ITGA1: variants seen among roughly 807,000 people sequenced by gnomAD.
ITGA1 encodes integrin alpha-1.
ITGA1 carries 85 observed loss-of-function variants against 145.9 expected under a neutral mutation model. The observed-to-expected ratio is 0.58, with a 90% CI of 0.49 to 0.70. The LOEUF (loss-of-function observed/expected upper bound fraction) is 0.70, where lower values mean the gene tolerates loss of function less well. ITGA1 is among the 30% of genes least tolerant of loss of function. The pLI is 0.00. For synonymous variants in ITGA1, 520 were observed against 495.3 expected (o/e 1.05, Z -0.66); for missense variants, 1,351 against 1,418.7 (o/e 0.95, Z 0.77).
At chr5:52,905,572 A>G (rs1294343068) in intron 11 of ITGA1, 191 bp from the exon 12 acceptor site, 1 of 388,404 alleles carries the variant, frequency 2.6e-6, no homozygotes, top group Non-Finnish European at 4.5e-6. Context: ...AGGAGAAAGC[A>G]GTTGTGGTAG....
chr5:52,922,797 C>A lies in ITGA1; in HGVS notation c.2313C>A (p.Asp771Glu). 1 of 1,611,824 alleles carries A rather than the reference C, an allele frequency of 6.2e-7. No homozygotes were observed. The highest frequency in any genetic ancestry group is 1.1e-5 in the South Asian group (1 of 91,016). ...TCTAGGACAAGCATGACTTTCAGGA[C>A]TCTGTGAGAATAACGTTGGACTTTA... is the stretch of plus-strand genomic sequence containing the variant. ...FYMLDKHDFQ[D>E]SVRITLDFNL... Residue 771 changes from aspartate to glutamate, a missense_variant, in exon 18 of 29, where the codon GAC becomes GAA. By Grantham distance (45) the Asp-to-Glu change is conservative. Coordinates refer to ENST00000282588, the MANE Select transcript of ITGA1 (RefSeq NM_181501.2).
Position 52,840,371 on chromosome 5 carries a change from G to A in ITGA1, c.62-8994G>A, listed in dbSNP as rs534331373. On this transcript the variant is annotated intron_variant, in intron 1 of 28. Transcript: ENST00000282588. Reference sequence around the variant, plus strand: ...AGTCACGGAAATTAATGAGTTCAGCGTTCAGGATGCCAGGGCAGCTGGAGA... The same window carrying A: ...AGTCACGGAAATTAATGAGTTCAGCATTCAGGATGCCAGGGCAGCTGGAGA... Among the ~76,000 whole-genome samples the A allele has an allele frequency of 5.9e-5, 9 of 152,280 alleles. No homozygotes were observed. In the South Asian group the frequency reaches 1.0e-3, roughly 18 times the overall value.
chr5:52,897,487 A>G lies in ITGA1; in HGVS notation c.1123A>G (p.Met375Val), dbSNP rs144793260. The change falls in exon 10 of 29, where the codon ATG (methionine) becomes GTG (valine). Residue 375 changes from methionine (M) to valine (V), a missense_variant. Met to Val is a conservative substitution (Grantham distance 21). Transcript: ENST00000282588. ...TGACCAGTCAGCAGCTTCATTTGAA[A>G]TGGAAATGTCTCAGACTGGCTTCAG... The part of the protein sequence containing the change: ...TADQSAASFE[M>V]EMSQTGFSAH... The G allele has an allele frequency of 4.2e-4, 677 of 1,613,204 alleles. 2 individuals carry two copies. The highest frequency in any genetic ancestry group is 5.4e-4 in the Non-Finnish European group (634 of 1,179,396).
At chr5:52,886,786 G>C (rs1372563879) in intron 7 of ITGA1, among the ~76,000 whole-genome samples, 3 of 152,022 alleles carry the variant, frequency 2.0e-5, no homozygotes, top group African/African-American at 7.2e-5. Context: ...GTTTTGTTTT[G>C]TTTTTGAGAC....
rs1250977092 is a variant in ITGA1, at chr5:52,920,351, C to T, written c.2175C>T (p.Thr725=). ...IYEADLQYRV[T]LDSLRQISRS... ...TTGTAGATTTGCAGTACCGTGTCAC[C>T]CTAGATTCACTAAGACAAATATCAC... The change falls in exon 17 of 29, where the codon ACC becomes ACT. Residue 725 remains threonine (T), a synonymous_variant. Transcript: ENST00000282588. The T allele has an allele frequency of 1.2e-6, 2 of 1,603,696 alleles. No homozygotes were observed. The highest frequency in any genetic ancestry group is 8.5e-7 in the Non-Finnish European group (1 of 1,175,782).
Position 52,801,980 on chromosome 5 carries a change from A to C in ITGA1, c.61+13566A>C, listed in dbSNP as rs78174230. 9.6e-3 allele frequency: 5,755 copies of C among 597,268 alleles called. 151 individuals are homozygous for C. Among genetic ancestry groups the C allele is most frequent in the East Asian group, 0.074 (2,627 of 35,276 alleles). 37.0% of individuals were successfully genotyped at this position (597,268 alleles called of 1,614,324 possible). A position where few individuals can be genotyped will look rare whatever the true frequency, so the allele number is the denominator to read the frequency against. On this transcript the variant is annotated intron_variant, in intron 1 of 28. Transcript: ENST00000282588. ...TTTCTTATGTCTTTGGCTACACTAG[A>C]TATTTTGTGATTGGCAAGACATGTA...
intron 1 of ITGA1, chr5:52,801,067 G>C: frequency 6.2e-7 from 1 of 1,613,268 alleles, no homozygotes; most frequent in Non-Finnish European, 8.5e-7. Flanking sequence ...GTTTCAACAA[G>C]CAGTGAAGAC....
At chr5:52,846,992 A>T (rs974397813) in intron 1 of ITGA1, among the ~76,000 whole-genome samples, 1 of 152,194 alleles carries the variant, frequency 6.6e-6, no homozygotes, top group Non-Finnish European at 1.5e-5. Context: ...GTTACTGCCC[A>T]TCTGTGTACA....
chr5:52,878,341 G>T (rs1369694267), intron 6 of ITGA1, among the ~76,000 whole-genome samples: 2 of 152,132 alleles, frequency 1.3e-5, no homozygotes, highest in African/African-American at 4.8e-5. Context: ...TAGAAGCCAG[G>T]CACATATTGG....
chr5:52,924,778 A>G (rs188222033), intron 18 of ITGA1, among the ~76,000 whole-genome samples: 293 of 152,214 alleles, frequency 1.9e-3, no homozygotes, highest in African/African-American at 6.7e-3. Context: ...GAAGAGGAGT[A>G]GAATGGACAG....
intron 1 of ITGA1, among the ~76,000 whole-genome samples, chr5:52,795,160 C>T (rs1318351286): frequency 1.3e-5 from 2 of 151,736 alleles, no homozygotes; most frequent in Admixed American, 1.3e-4. Context: ...TTAATTTTTG[C>T]ATACTAAAAA....
intron 23 of ITGA1, among the ~76,000 whole-genome samples, chr5:52,937,119 A>T (rs2111896229): frequency 6.6e-6 from 1 of 152,244 alleles, no homozygotes; most frequent in East Asian, 1.9e-4. Context: ...AAAAACTTCC[A>T]ATTCTGGTCT....
intron 11 of ITGA1, chr5:52,905,530 G>A (rs1750387029): frequency 6.3e-6 from 2 of 316,724 alleles, no homozygotes; most frequent in Admixed American, 4.5e-5. Context: ...TTTAAATAAT[G>A]AAAAACTCAG....
intron 2 of ITGA1, among the ~76,000 whole-genome samples, chr5:52,857,054 A>AAAGGCCTTTT (rs1323416010): frequency 1.3e-5 from 2 of 152,210 alleles, no homozygotes; most frequent in African/African-American, 2.4e-5. Flanking sequence ...TGGAATCTGC[A>AAAGGCCTTTT]AAGGCCTTTT....
chr5:52,827,287 G>T (rs1748985010), intron 1 of ITGA1, among the ~76,000 whole-genome samples: 1 of 152,082 alleles, frequency 6.6e-6, no homozygotes, highest in South Asian at 2.1e-4. Context: ...TGACTGAATT[G>T]CTGTGATCTC....
At chr5:52,873,840 C>G (rs1488687745) in intron 6 of ITGA1, among the ~76,000 whole-genome samples, 1 of 152,106 alleles carries the variant, frequency 6.6e-6, no homozygotes, top group Non-Finnish European at 1.5e-5. Flanking sequence ...GAACAATTGA[C>G]TTGGTAATAT....
At chr5:52,906,548 G>A (rs142865630) in intron 12 of ITGA1, among the ~76,000 whole-genome samples, 117 of 152,278 alleles carry the variant, frequency 7.7e-4, no homozygotes, top group African/African-American at 2.6e-3. Context: ...TCGTAAATAT[G>A]CAAACATTTA....
chr5:52,881,765 T>G (rs1310987646), intron 6 of ITGA1, 108 bp from the exon 7 acceptor site: 1 of 981,252 alleles, frequency 1.0e-6, no homozygotes, highest in African/African-American at 1.6e-5. Context: ...ACTGATAGGT[T>G]TGCAAACTCA....
intron 10 of ITGA1, among the ~76,000 whole-genome samples, chr5:52,897,892 A>G (rs1750253898): frequency 6.6e-6 from 1 of 152,178 alleles, no homozygotes; most frequent in Non-Finnish European, 1.5e-5. Context: ...CATGTTCAAG[A>G]CCTAGGATGC....
Sources: gnomAD v4.1 joint callset for allele counts (sites outside exome capture counted in the v4.1 genomes callset) on GRCh38, gnomAD v4.1.1 for gene constraint, MANE v1.5 for transcripts, NCBI Gene and HGNC (gene_info 2026-07-23, HGNC 2026-07-21) for gene names.